The following ELAVL4 variants were observed in gnomAD, a reference collection of about 807,000 sequenced individuals.
The protein encoded by ELAVL4 is ELAV-like protein 4.
In ELAVL4, 1 loss-of-function variant was observed where a neutral mutation model predicts 35.6. The observed-to-expected ratio is 0.03, with a 90% CI of 0.01 to 0.13. The LOEUF (loss-of-function observed/expected upper bound fraction) is 0.13. ELAVL4 is among the 10% of genes least tolerant of loss of function. The pLI, the probability that ELAVL4 is intolerant of heterozygous loss-of-function variation, is 1.00. For missense variants in ELAVL4, 267 were observed against 464.9 expected, an observed-to-expected ratio of 0.57 and a Z score of 3.91; for synonymous variants, 156 against 171.0, an observed-to-expected ratio of 0.91 and a Z score of 0.69.
At chr1:50,174,310 T>C (rs1276426265) in intron 2 of ELAVL4, 2 of 152,160 alleles carry the variant, frequency 1.3e-5, no homozygotes, top group African/African-American at 4.8e-5. Context: ...GGTAGTTTCA[T>C]TGTGGTACCA....
At chr1:50,155,254 A>G (rs1675530620) in intron 2 of ELAVL4, among the ~76,000 whole-genome samples, 1 of 137,286 alleles carries the variant, frequency 7.3e-6, no homozygotes, top group African/African-American at 2.8e-5. Context: ...ATTCCCATCT[A>G]GGAGTTTTCT....
intron 2 of ELAVL4, among the ~76,000 whole-genome samples, chr1:50,170,909 T>C: frequency 6.6e-6 from 1 of 152,128 alleles, no homozygotes. Flanking sequence ...GGCATGCACC[T>C]GTAATCTCAG....
At chr1:50,068,706 T>C (rs1366538880) in intron 1 of ELAVL4, among the ~76,000 whole-genome samples, 5 of 152,350 alleles carry the variant, frequency 3.3e-5, no homozygotes, top group Non-Finnish European at 5.9e-5. Context: ...ATTTTTGAAT[T>C]GCATTTCTGA....
At chr1:50,152,181 G>A (rs1417754753) in intron 2 of ELAVL4, among the ~76,000 whole-genome samples, 8 of 152,036 alleles carry the variant, frequency 5.3e-5, no homozygotes, top group Non-Finnish European at 1.0e-4. Flanking sequence ...TTTGCCTCCT[G>A]GCTGTGTTCC....
chr1:50,048,060 G>A, exon 1 of ELAVL4: 2 of 1,334,482 alleles, frequency 1.5e-6, no homozygotes, highest in Non-Finnish European at 2.0e-6. Context: ...GCCGCAGAGC[G>A]AGCTAGAGAG....
intron 3 of ELAVL4, among the ~76,000 whole-genome samples, chr1:50,187,249 A>G (rs1328131530): frequency 1.3e-5 from 2 of 152,148 alleles, no homozygotes; most frequent in African/African-American, 4.8e-5. Context: ...TAATAGTCCT[A>G]CATGTCAGGG....
chr1:50,130,429 T>C (rs981544591), intron 1 of ELAVL4, among the ~76,000 whole-genome samples: 1 of 152,166 alleles, frequency 6.6e-6, no homozygotes, highest in African/African-American at 2.4e-5. Flanking sequence ...CAATACCCAC[T>C]TCTCAAAGTT....
At chr1:50,140,932 G>A (rs1380252702) in intron 1 of ELAVL4, among the ~76,000 whole-genome samples, 1 of 152,154 alleles carries the variant, frequency 6.6e-6, no homozygotes, top group Non-Finnish European at 1.5e-5. Context: ...AGCTAGTTGG[G>A]ACCAGTTGGG....
chr1:50,193,276 G>A (rs1214944439), intron 3 of ELAVL4, among the ~76,000 whole-genome samples: 1 of 151,784 alleles, frequency 6.6e-6, no homozygotes, highest in African/African-American at 2.4e-5. Flanking sequence ...ATCTTGCAGA[G>A]AACCTGATTG....
chr1:50,135,809 A>T (rs1671784859), intron 1 of ELAVL4, among the ~76,000 whole-genome samples: 1 of 152,142 alleles, frequency 6.6e-6, no homozygotes, highest in Admixed American at 6.6e-5. Context: ...CTACAGAAAC[A>T]TGGTATGAAT....
chr1:50,151,053 T>C (rs989897520), intron 2 of ELAVL4, among the ~76,000 whole-genome samples: 5 of 152,226 alleles, frequency 3.3e-5, no homozygotes, highest in African/African-American at 1.2e-4. Flanking sequence ...CACATAATCC[T>C]CATGATGGCC....
At chr1:50,144,802 C>T in intron 1 of ELAVL4, 155 bp from the exon 2 acceptor site, 1 of 1,157,264 alleles carries the variant, frequency 8.6e-7, no homozygotes, top group South Asian at 1.2e-5. Flanking sequence ...TGGTTAAAAA[C>T]ATGCTTCTAA....
intron 1 of ELAVL4, among the ~76,000 whole-genome samples, chr1:50,087,700 G>T (rs1365113664): frequency 6.6e-6 from 1 of 152,088 alleles, no homozygotes; most frequent in Admixed American, 6.6e-5. Flanking sequence ...GGTTATAAGG[G>T]TAGGGTCCTA....
At chr1:50,178,403 G>A (rs1680449405) in intron 3 of ELAVL4, among the ~76,000 whole-genome samples, 1 of 152,210 alleles carries the variant, frequency 6.6e-6, no homozygotes, top group South Asian at 2.1e-4. Flanking sequence ...TAGCTGGAAG[G>A]TAATCAAAAC....
intron 2 of ELAVL4, among the ~76,000 whole-genome samples, chr1:50,176,868 A>G (rs1047029515): frequency 6.6e-5 from 10 of 152,182 alleles, no homozygotes; most frequent in Non-Finnish European, 1.2e-4. Context: ...CACAGCTCCT[A>G]AAGTTTAATA....
chr1:50,156,083 G>T (rs553758760), intron 2 of ELAVL4, among the ~76,000 whole-genome samples: 1 of 151,652 alleles, frequency 6.6e-6, no homozygotes, highest in South Asian at 2.1e-4. Context: ...AGGCATGTGC[G>T]CACGCAGGCA....
At chr1:50,110,003 CTGTGTG>C in intron 1 of ELAVL4, 36 of 1,551,264 alleles carry the variant, frequency 2.3e-5, no homozygotes, top group Non-Finnish European at 3.1e-5. Context: ...GGTCCCAGCC[CTGTGTG>C]TGTGTGTGTG....
In ELAVL4 at chr1:50,083,950, AG is replaced by A. The variant is rs1305336469; in HGVS notation, c.18+35770del. Among the ~76,000 whole-genome samples the A allele has an allele frequency of 3.3e-5, 5 of 152,198 alleles. No homozygotes were observed. The South Asian group carries it at 8.3e-4, about 25-fold the overall frequency. ...GCATAGCTGAGTCTTTATTGTTAAA[AG>A]GTCCCTCATAAATGTTGCATTCCCC... On this transcript the variant is annotated intron_variant, in intron 1 of 6. Transcript: ENST00000448907.
chr1:50,186,845 T>C (rs201300782), intron 3 of ELAVL4, among the ~76,000 whole-genome samples: 1 of 114,736 alleles, frequency 8.7e-6, no homozygotes, highest in East Asian at 2.8e-4. Context: ...TCTGATAAAA[T>C]AGCACGTATC....
Sources: gnomAD v4.1 joint callset for allele counts (sites outside exome capture counted in the v4.1 genomes callset) on GRCh38, gnomAD v4.1.1 for gene constraint, MANE v1.5 for transcripts, NCBI Gene and HGNC (gene_info 2026-07-23, HGNC 2026-07-21) for gene names.